The following PRKAR2A variants were observed in gnomAD, a reference collection of about 807,000 sequenced individuals.
PRKAR2A encodes the protein protein kinase cAMP-dependent type II regulatory subunit alpha, also known as cAMP-dependent protein kinase type II-alpha regulatory subunit.
PRKAR2A carries 29 observed loss-of-function variants against 51.9 expected under a neutral mutation model. The observed-to-expected ratio is 0.56, with a 90% CI of 0.42 to 0.76. The LOEUF (loss-of-function observed/expected upper bound fraction) is 0.76. Among genes scored for constraint, PRKAR2A ranks in the 30% least tolerant of loss-of-function variants. The pLI is 0.00. For synonymous variants in PRKAR2A, 178 were observed against 186.2 expected (o/e 0.96, Z 0.36); for missense variants, 445 against 512.1 (o/e 0.87, Z 1.26).
chr3:48,761,968 G>A (rs1050559575), intron 8 of PRKAR2A, among the ~76,000 whole-genome samples: 1 of 152,106 alleles, frequency 6.6e-6, no homozygotes, highest in African/African-American at 2.4e-5. Context: ...TATTTCTATT[G>A]AATAGTGCTG....
rs111457460 is a variant in PRKAR2A, at chr3:48,837,591, C to T, written c.262+9744G>A. 4.6e-5 allele frequency among the ~76,000 whole-genome samples: 7 copies of T among 152,210 alleles called. 1 individual carries two copies. Among genetic ancestry groups the T allele is most frequent in the African/African-American group, 1.4e-4 (6 of 41,522 alleles). On this transcript the variant is annotated intron_variant, in intron 1 of 10. Transcript: ENST00000265563. ...TACTATATGGCCCAGCAATTCTACT[C>T]CTATGAGAAATGAAAACAGCTCCAC... is the stretch of plus-strand genomic sequence containing the variant.
chr3:48,843,565 A>C (rs2083412767), intron 1 of PRKAR2A, among the ~76,000 whole-genome samples: 1 of 152,202 alleles, frequency 6.6e-6, no homozygotes. Flanking sequence ...TGGAGGCATC[A>C]TGCTACCTGA....
intron 2 of PRKAR2A, among the ~76,000 whole-genome samples, chr3:48,801,397 C>T (rs2082587977): frequency 6.6e-6 from 1 of 152,128 alleles, no homozygotes. Context: ...AGGTGATCCG[C>T]ACACCTCAGC....
At position 48,757,404 on chromosome 3, in the gene PRKAR2A, G is replaced by A. The variant is rs141329288; in HGVS notation, c.874-960C>T. ...TTCAAAAGGCTCCCTCCGGAGTTCAGTCAAAACTACCACATTCCCACCCAT... is the reference window on the plus strand; with the variant it reads ...TTCAAAAGGCTCCCTCCGGAGTTCAATCAAAACTACCACATTCCCACCCAT... On this transcript the variant is annotated intron_variant, in intron 8 of 10. Coordinates refer to ENST00000265563, the MANE Select transcript of PRKAR2A (RefSeq NM_004157.4). Among the ~76,000 whole-genome samples the A allele has an allele frequency of 7.9e-5, 12 of 152,246 alleles. 1 individual carries two copies. The East Asian group carries it at 2.1e-3, about 27-fold the overall frequency.
Position 48,847,720 on chromosome 3 carries a change from G to C in PRKAR2A, c.-124C>G. On this transcript the variant is annotated 5_prime_UTR_variant, in exon 1 of 11. Coordinates refer to ENST00000265563, the MANE Select transcript of PRKAR2A (RefSeq NM_004157.4). This position sits in a 1 kb window ranked among gnomAD's most constrained non-coding sequence, Gnocchi z 4.4. ...TTCGCGCACGGCCCCGGCTCACGTC[G>C]CGCCGCTCTTTGGCCGGCTCTGCGT... 3 of 1,008,974 alleles carry C rather than the reference G, an allele frequency of 3.0e-6. No individual in the cohort carries two copies. The highest frequency in any genetic ancestry group is 4.0e-6 in the Non-Finnish European group (3 of 752,604). The allele number at this position is 1,008,974 out of a possible 1,614,324, so 62.5% of individuals were successfully genotyped here. A position where few individuals can be genotyped will look rare whatever the true frequency, so the allele number is the denominator to read the frequency against.
At chr3:48,755,714 C>T (rs997675167) in intron 9 of PRKAR2A, among the ~76,000 whole-genome samples, 12 of 150,082 alleles carry the variant, frequency 8.0e-5, no homozygotes, top group Non-Finnish European at 1.6e-4. Flanking sequence ...CTCAAGAGAT[C>T]CTCTTGCCTA....
In PRKAR2A at chr3:48,751,029, C is replaced by T. The variant is rs931342291; in HGVS notation, c.*556G>A. On this transcript the variant is annotated 3_prime_UTR_variant, in exon 11 of 11. Coordinates refer to ENST00000265563, the MANE Select transcript of PRKAR2A (RefSeq NM_004157.4). ...TGTGTGCAGCTGTCAGCAGAAAGTA[C>T]AATGCCACTGGGCTACATATGTCCA... The T allele has an allele frequency of 2.8e-5, 9 of 320,654 alleles. No individual in the cohort carries two copies. The highest frequency in any genetic ancestry group is 4.9e-5 in the Non-Finnish European group (8 of 163,756). The allele number at this position is 320,654 out of a possible 1,614,324, so 19.9% of individuals were successfully genotyped here. A position where few individuals can be genotyped will look rare whatever the true frequency, so the allele number is the denominator to read the frequency against.
intron 1 of PRKAR2A, among the ~76,000 whole-genome samples, chr3:48,840,921 G>T (rs1425392145): frequency 1.7e-5 from 2 of 118,116 alleles, no homozygotes; most frequent in African/African-American, 6.6e-5. Context: ...CGCTCTTGTT[G>T]CCCAGGCTGG....
chr3:48,831,379 T>TC (rs1157668978), intron 1 of PRKAR2A, among the ~76,000 whole-genome samples: 3 of 150,742 alleles, frequency 2.0e-5, no homozygotes, highest in Non-Finnish European at 4.4e-5. Context: ...TTTTTTTTTT[T>TC]TTTTTTAGAG....
At chr3:48,816,562 T>C (rs2082877955) in intron 1 of PRKAR2A, among the ~76,000 whole-genome samples, 1 of 151,598 alleles carries the variant, frequency 6.6e-6, no homozygotes, top group African/African-American at 2.4e-5. Flanking sequence ...TGCTTGAACC[T>C]GGGAGGTGGG....
chr3:48,792,305 CTAA>C (rs1337283505), intron 3 of PRKAR2A, among the ~76,000 whole-genome samples: 1 of 151,172 alleles, frequency 6.6e-6, no homozygotes, highest in African/African-American at 2.4e-5. Flanking sequence ...CCACGCCTGG[CTAA>C]TTTTTGTATT....
downstream of PRKAR2A, chr3:48,744,910 T>A (rs1341940115): frequency 3.9e-5 from 6 of 152,214 alleles, no homozygotes. Context: ...AGTCTCACTC[T>A]GTTGCCCAGG....
intron 1 of PRKAR2A, among the ~76,000 whole-genome samples, chr3:48,844,839 G>T (rs1020965080): frequency 7.8e-6 from 1 of 128,942 alleles, no homozygotes; most frequent in Non-Finnish European, 1.6e-5. Context: ...GACTGTTGTG[G>T]GGTGGGGGGA....
intron 1 of PRKAR2A, among the ~76,000 whole-genome samples, chr3:48,824,189 T>C (rs1398640362): frequency 6.6e-6 from 1 of 151,996 alleles, no homozygotes; most frequent in Non-Finnish European, 1.5e-5. Context: ...TGCAGTGAGC[T>C]GAGATCACGC....
intron 1 of PRKAR2A, among the ~76,000 whole-genome samples, chr3:48,833,228 G>A (rs1225702981): frequency 2.0e-5 from 3 of 152,046 alleles, no homozygotes; most frequent in Non-Finnish European, 2.9e-5. Flanking sequence ...TGAAAAGATG[G>A]GGGGTCTCGC....
intron 8 of PRKAR2A, among the ~76,000 whole-genome samples, chr3:48,763,604 T>C (rs1158510660): frequency 1.3e-5 from 2 of 152,306 alleles, no homozygotes; most frequent in African/African-American, 2.4e-5. Flanking sequence ...CCAGGATACC[T>C]GCTCTGAAAC....
At chr3:48,802,045 G>A (rs568556991) in intron 2 of PRKAR2A, among the ~76,000 whole-genome samples, 83 of 152,220 alleles carry the variant, frequency 5.5e-4, no homozygotes, top group Non-Finnish European at 1.0e-3. Flanking sequence ...GAGTAGCTGG[G>A]ATTATAGGCG....
chr3:48,799,984 C>G (rs544442445), intron 2 of PRKAR2A, among the ~76,000 whole-genome samples: 3 of 151,800 alleles, frequency 2.0e-5, no homozygotes, highest in Non-Finnish European at 4.4e-5. Context: ...CTCAGCCTCC[C>G]GAGTAGCTGG....
intron 4 of PRKAR2A, among the ~76,000 whole-genome samples, chr3:48,787,124 C>A (rs1453789215): frequency 6.6e-6 from 1 of 151,758 alleles, no homozygotes; most frequent in South Asian, 2.1e-4. Flanking sequence ...GGATCCTCTA[C>A]CAGAAAAAAG....
Sources: allele counts gnomAD v4.1 joint callset (sites outside exome capture counted in the v4.1 genomes callset), GRCh38; gene constraint gnomAD v4.1.1; non-coding constraint Gnocchi (gnomAD v3.1); transcripts MANE v1.5; gene names NCBI Gene and HGNC (gene_info 2026-07-23, HGNC 2026-07-21).